The following TLR2 variants were observed in gnomAD, a reference collection of about 807,000 sequenced individuals.
TLR2 encodes toll like receptor 2.
A neutral mutation model predicts 9.1 loss-of-function variants in TLR2; 7 were observed. The ratio of observed to expected loss-of-function variants is 0.77; its 90% CI spans 0.44 to 1.44. TLR2 has a LOEUF of 1.44. TLR2 is among the 40% of genes most tolerant of loss of function. The probability of loss-of-function intolerance (pLI) is 0.01; values close to 1 mark genes in which losing one functional copy is unlikely to be tolerated. For synonymous variants in TLR2, 317 were observed against 344.6 expected, an observed-to-expected ratio of 0.92 and a Z score of 0.89; for missense variants, 812 against 904.6, an observed-to-expected ratio of 0.90 and a Z score of 1.31.
At chr4:153,706,569 G>A (rs1456112446), downstream of TLR2, among the ~76,000 whole-genome samples, 3 of 152,154 alleles carry the variant, frequency 2.0e-5, no homozygotes, top group African/African-American at 7.2e-5. Flanking sequence ...ACTACCATAT[G>A]TTAATTTTGC....
intron 2 of TLR2, among the ~76,000 whole-genome samples, chr4:153,696,655 G>C (rs180920383): frequency 1.1e-4 from 17 of 152,252 alleles, no homozygotes; most frequent in Non-Finnish European, 1.8e-4. Context: ...CCATGAGAAG[G>C]CACATGCTTC....
Position 153,705,107 on chromosome 4 carries a change from C to T in TLR2, c.2200C>T (p.Leu734Phe), listed in dbSNP as rs1362277245. The T allele has an allele frequency of 1.9e-6, 3 of 1,614,050 alleles. No individual in the cohort carries two copies. Among genetic ancestry groups the T allele is most frequent in the South Asian group, 1.1e-5 (1 of 91,080 alleles). The change falls in exon 3 of 3, where the codon CTC (leucine) becomes TTC (phenylalanine). Residue 734 changes from leucine to phenylalanine, a missense_variant. Coordinates refer to ENST00000642700, the MANE Select transcript of TLR2 (RefSeq NM_001318789.2). ...TGATGAGAACAATGATGCTGCCATT[C>T]TCATTCTTCTGGAGCCCATTGAGAA... Reference protein sequence around the residue: ...LFDENNDAAILILLEPIEKKA... With the variant: ...LFDENNDAAIFILLEPIEKKA...
In TLR2 at chr4:153,693,437, T is replaced by C. The variant is rs116214925; in HGVS notation, c.-17+5390T>C. On this transcript the variant is annotated intron_variant, in intron 2 of 2. Coordinates refer to ENST00000642700, the MANE Select transcript of TLR2 (RefSeq NM_001318789.2). ...CTAACAGGGAACTGCTAAGCCTCTA[T>C]ATCACCCTCTCTTCTAACTTGCTGA... is the stretch of plus-strand genomic sequence containing the variant. 4.7e-3 allele frequency among the ~76,000 whole-genome samples: 715 copies of C among 152,330 alleles called. 6 individuals carry two copies. The highest frequency in any genetic ancestry group is 0.017 in the African/African-American group (687 of 41,578).
chr4:153,684,826 C>T (rs886538538), intron 1 of TLR2, among the ~76,000 whole-genome samples: 1 of 150,654 alleles, frequency 6.6e-6, no homozygotes, highest in Non-Finnish European at 1.5e-5. Context: ...GGCGGTGGCC[C>T]CGGCCCGGCC....
At chr4:153,685,861 C>G (rs935976046) in intron 1 of TLR2, among the ~76,000 whole-genome samples, 1 of 152,156 alleles carries the variant, frequency 6.6e-6, no homozygotes, top group Non-Finnish European at 1.5e-5. Context: ...GTCACAGTCC[C>G]TTGGGTGCTG....
Position 153,704,427 on chromosome 4 carries a change from G to A in TLR2, c.1520G>A (p.Ser507Asn). 2 of 1,614,102 alleles carry A rather than the reference G, an allele frequency of 1.2e-6. No homozygotes were observed. The highest frequency in any genetic ancestry group is 8.5e-7 in the Non-Finnish European group (1 of 1,180,016). The change falls in exon 3 of 3, where the codon AGT becomes AAT. Residue 507 changes from serine to asparagine, a missense_variant. Physicochemically the swap from Ser to Asn is conservative, Grantham distance 46 (BLOSUM62 1). Coordinates refer to ENST00000642700, the MANE Select transcript of TLR2 (RefSeq NM_001318789.2). ...LLPMLLVLKI[S>N]RNAITTFSKE... ...CCCATGTTACTAGTATTGAAAATCA[G>A]TAGGAATGCAATAACTACGTTTTCT... is the stretch of plus-strand genomic sequence containing the variant.
intron 2 of TLR2, among the ~76,000 whole-genome samples, chr4:153,689,358 T>G (rs904397731): frequency 2.6e-5 from 4 of 152,238 alleles, no homozygotes; most frequent in African/African-American, 9.6e-5. Context: ...TTTCTTGCTA[T>G]TTCTACCATC....
At position 153,705,219 on chromosome 4, in the gene TLR2, G is replaced by A. The variant is rs969098974; in HGVS notation, c.2312G>A (p.Arg771Gln). Residue 771 changes from arginine (R) to glutamine (Q), a missense_variant, in exon 3 of 3, where the codon CGG becomes CAG. Coordinates refer to ENST00000642700, the MANE Select transcript of TLR2 (RefSeq NM_001318789.2). ...YLEWPMDEAQ[R>Q]EGFWVNLRAA... ...GAGTGGCCCATGGACGAGGCTCAGC[G>A]GGAAGGATTTTGGGTAAATCTGAGA... 2.5e-6 allele frequency: 4 copies of A among 1,603,154 alleles called. No individual in the cohort carries two copies. The highest frequency in any genetic ancestry group is 3.4e-6 in the Non-Finnish European group (4 of 1,173,414).
chr4:153,687,784 A>G (rs2127011430), intron 1 of TLR2, 118 bp from the exon 2 acceptor site: 1 of 152,314 alleles, frequency 6.6e-6, no homozygotes, highest in East Asian at 1.9e-4. Flanking sequence ...TTTGGCCTAT[A>G]AAAGCTCACT....
At chr4:153,701,568 G>C (rs1001990265) in intron 2 of TLR2, 3 of 152,182 alleles carry the variant, frequency 2.0e-5, no homozygotes, top group African/African-American at 7.2e-5. Flanking sequence ...AGTGGCAGAA[G>C]CTTTTGGAGA....
chr4:153,699,193 C>T (rs1462052123), intron 2 of TLR2, among the ~76,000 whole-genome samples: 1 of 152,060 alleles, frequency 6.6e-6, no homozygotes, highest in Non-Finnish European at 1.5e-5. Context: ...TCTCTTGTGC[C>T]CCTCTAGCAT....
intron 2 of TLR2, among the ~76,000 whole-genome samples, chr4:153,689,160 A>G (rs956696456): frequency 6.6e-6 from 1 of 152,194 alleles, no homozygotes; most frequent in African/African-American, 2.4e-5. Context: ...TAATATTGCA[A>G]TATGGAAAGA....
chr4:153,705,149 C>A lies in TLR2; in HGVS notation c.2242C>A (p.Arg748Ser). The A allele has an allele frequency of 6.2e-7, 1 of 1,614,136 alleles. No homozygotes were observed. Among genetic ancestry groups the A allele is most frequent in the Non-Finnish European group, 8.5e-7 (1 of 1,180,028 alleles). Reference protein sequence around the residue: ...EPIEKKAIPQRFCKLRKIMNT... With the variant: ...EPIEKKAIPQSFCKLRKIMNT... ...CATTGAGAAAAAAGCCATTCCCCAG[C>A]GCTTCTGCAAGCTGCGGAAGATAAT... is the stretch of plus-strand genomic sequence containing the variant. Residue 748 changes from arginine (R) to serine (S), a missense_variant, in exon 3 of 3, where the codon CGC (arginine) becomes AGC (serine). Arg to Ser is a moderately radical substitution (Grantham distance 110). Coordinates refer to ENST00000642700, the MANE Select transcript of TLR2 (RefSeq NM_001318789.2).
intron 2 of TLR2, 116 bp from the exon 3 acceptor site, chr4:153,702,776 G>C (rs1038850577): frequency 1.4e-5 from 7 of 497,308 alleles, no homozygotes; most frequent in African/African-American, 1.3e-4. Context: ...GTGTGTGTGT[G>C]TGTGTGTGTG....
chr4:153,706,702 C>T (rs567016291), downstream of TLR2, among the ~76,000 whole-genome samples: 453 of 152,250 alleles, frequency 3.0e-3, 5 homozygotes, highest in African/African-American at 0.01. Context: ...AGCCTTTGAC[C>T]CCTGCTCAAT....
At chr4:153,707,095 CT>C (rs1737356825), downstream of TLR2, among the ~76,000 whole-genome samples, 1 of 151,966 alleles carries the variant, frequency 6.6e-6, no homozygotes. Flanking sequence ...GGATATTTTT[CT>C]GTTATGGATA....
intron 1 of TLR2, among the ~76,000 whole-genome samples, chr4:153,684,685 C>T (rs1453019276): frequency 1.3e-5 from 2 of 152,222 alleles, no homozygotes; most frequent in African/African-American, 2.4e-5. Context: ...GGACCCCGCG[C>T]GTGCAGTGCC....
rs190132972 is a variant in TLR2 at position 153,684,636 on chromosome 4, C to T, written c.-163+276C>T. Among the ~76,000 whole-genome samples the T allele has an allele frequency of 3.6e-3, 547 of 152,300 alleles. 6 individuals are homozygous for T. The highest frequency in any genetic ancestry group is 0.012 in the African/African-American group (508 of 41,570). The stretch of plus-strand genomic sequence containing the variant: ...GCCCTCGGGAGAAGCAGGGGCTACA[C>T]GGAAAGGGAGCCCGAGGGTCCTGCA... On this transcript the variant is annotated intron_variant, in intron 1 of 2. Coordinates refer to ENST00000642700, the MANE Select transcript of TLR2 (RefSeq NM_001318789.2).
rs570906986 is a variant in TLR2 at position 153,701,986 on chromosome 4, A to T, written c.-16-906A>T. The T allele has an allele frequency of 5.1e-4, 78 of 152,304 alleles. 1 individual carries two copies. The highest frequency in any genetic ancestry group is 1.9e-3 in the East Asian group (10 of 5,194). 9.4% of individuals were successfully genotyped at this position (152,304 alleles called of 1,614,324 possible). ...TTTTGTTCTTGGGGATAAATTTTTT[A>T]AAAAAATTTTTGTATAGTTAGCACA... On this transcript the variant is annotated intron_variant, in intron 2 of 2. Transcript: ENST00000642700.
Sources: allele counts gnomAD v4.1 joint callset (sites outside exome capture counted in the v4.1 genomes callset), GRCh38; gene constraint gnomAD v4.1.1; transcripts MANE v1.5; gene names NCBI Gene and HGNC (gene_info 2026-07-23, HGNC 2026-07-21).